ZNF569: variants seen among roughly 807,000 people sequenced by gnomAD.
ZNF569 encodes the protein zinc finger protein 569.
A neutral mutation model predicts 56.3 loss-of-function variants in ZNF569; 38 were observed. The observed-to-expected ratio is 0.68, with a 90% CI of 0.52 to 0.88. The LOEUF (loss-of-function observed/expected upper bound fraction) is 0.88. ZNF569 is among the 40% of genes least tolerant of loss of function. The pLI is 0.00. For missense variants in ZNF569, 666 were observed against 809.2 expected, an observed-to-expected ratio of 0.82 and a Z score of 2.15; for synonymous variants, 241 against 262.9, an observed-to-expected ratio of 0.92 and a Z score of 0.81.
At position 37,450,721 on chromosome 19, in the gene ZNF569, T is replaced by C. The variant is rs138948892; in HGVS notation, c.-43-5757A>G. ...GTTCCTTGAGATGTAAAGTTAGTTG[T>C]TTATTTGAGATCTTTCTTCTTTTAT... On this transcript the variant is annotated intron_variant, in intron 2 of 5. Transcript: ENST00000316950. 4.8e-3 allele frequency among the ~76,000 whole-genome samples: 736 copies of C among 152,292 alleles called. 23 individuals are homozygous for C. The highest frequency in any genetic ancestry group is 0.034 in the Admixed American group (524 of 15,310).
chr19:37,433,854 A>G (rs1221753128), intron 3 of ZNF569, among the ~76,000 whole-genome samples: 5 of 152,244 alleles, frequency 3.3e-5, no homozygotes, highest in Admixed American at 6.5e-5. Flanking sequence ...AAAAAATGCT[A>G]AAGAGAGTCC....
intron 2 of ZNF569, among the ~76,000 whole-genome samples, chr19:37,460,098 CAGCTAGGAAGATGGTAGTG>C (rs1432358954): frequency 6.6e-6 from 1 of 152,006 alleles, no homozygotes; most frequent in African/African-American, 2.4e-5. Context: ...AAATGGAAAA[CAGCTAGGAAGATGGTAGTG>C]AGCTAGGAAG....
intron 3 of ZNF569, among the ~76,000 whole-genome samples, chr19:37,432,469 CT>C (rs576374857): frequency 5.9e-5 from 9 of 152,348 alleles, no homozygotes; most frequent in Admixed American, 2.0e-4. Context: ...GGCATGCCCC[CT>C]GATGCAGATA....
At position 37,458,062 on chromosome 19, in the gene ZNF569, G is replaced by T. The variant is rs12610525; in HGVS notation, c.-44+7251C>A. ...ATTTTGATATTTTTGGTAAAGATGG[G>T]GTTTTGCCATGTTGCCCAGGCTGGT... On this transcript the variant is annotated intron_variant, in intron 2 of 5. Coordinates refer to ENST00000316950, the MANE Select transcript of ZNF569 (RefSeq NM_152484.3). 2.5e-3 allele frequency among the ~76,000 whole-genome samples: 385 copies of T among 152,056 alleles called. 11 individuals are homozygous for T. In the East Asian group the frequency reaches 0.07, roughly 28 times the overall value.
intron 2 of ZNF569, among the ~76,000 whole-genome samples, chr19:37,454,658 G>A (rs1453362165): frequency 6.6e-6 from 1 of 152,042 alleles, no homozygotes; most frequent in Non-Finnish European, 1.5e-5. Context: ...GGCTTCTCAG[G>A]ATTCACTCCC....
chr19:37,434,261 C>T lies in ZNF569; in HGVS notation c.16-7883G>A, dbSNP rs966136274. ...GTTGCAGTGAGCCGAGATTGTGCCA[C>T]TGCACTCCAGCCTGGTGACAAGAGC... On this transcript the variant is annotated intron_variant, in intron 3 of 5. Coordinates refer to ENST00000316950, the MANE Select transcript of ZNF569 (RefSeq NM_152484.3). Among the ~76,000 whole-genome samples, 4 of 143,026 alleles carry T rather than the reference C, an allele frequency of 2.8e-5. No individual in the cohort carries two copies. In the East Asian group the frequency reaches 8.2e-4, roughly 29 times the overall value. 93.8% of individuals were successfully genotyped at this position (143,026 alleles called of 152,430 possible). A position where few individuals can be genotyped will look rare whatever the true frequency, so the allele number is the denominator to read the frequency against.
chr19:37,430,791 C>T (rs371022138), intron 3 of ZNF569, among the ~76,000 whole-genome samples: 2 of 152,204 alleles, frequency 1.3e-5, no homozygotes, highest in African/African-American at 4.8e-5. Context: ...GAAAGACAGT[C>T]GTGAATTGCT....
rs138286381 is a variant in ZNF569, at chr19:37,445,768, C to G, written c.-43-804G>C. Among the ~76,000 whole-genome samples the G allele has an allele frequency of 1.7e-4, 26 of 152,198 alleles. No individual in the cohort carries two copies. The East Asian group carries it at 5.0e-3, about 29-fold the overall frequency. ...AGGTAAAAGATCTCTATAAGGAAAA[C>G]TACAAAACATTGCTGAAAGAAATCA... On this transcript the variant is annotated intron_variant, in intron 2 of 5. Coordinates refer to ENST00000316950, the MANE Select transcript of ZNF569 (RefSeq NM_152484.3).
At chr19:37,434,514 C>G (rs946378132) in intron 3 of ZNF569, among the ~76,000 whole-genome samples, 1 of 152,188 alleles carries the variant, frequency 6.6e-6, no homozygotes, top group Admixed American at 6.5e-5. Flanking sequence ...TGGTGAAACC[C>G]TGTCTCTACT....
Position 37,448,315 on chromosome 19 carries a change from A to G in ZNF569, c.-43-3351T>C, listed in dbSNP as rs116898544. On this transcript the variant is annotated intron_variant, in intron 2 of 5. Transcript: ENST00000316950. ...GAATTTTGGTAGTTTATGTCTTTCA[A>G]AAAATTTACTCATTCATCCAAGTTG... 7.8e-3 allele frequency among the ~76,000 whole-genome samples: 1,192 copies of G among 152,240 alleles called. 5 individuals carry two copies. Among genetic ancestry groups the G allele is most frequent in the Non-Finnish European group, 9.1e-3 (616 of 68,014 alleles).
chr19:37,411,501 T>C lies in ZNF569; in HGVS notation c.*1096A>G, dbSNP rs2040840465. ...AATTTTGGGCAATACAAACCATGAT[T>C]CAGGAACACAGTGATATATATCTCT... On this transcript the variant is annotated 3_prime_UTR_variant, in exon 6 of 6. Transcript: ENST00000316950. 1 of 152,114 alleles carries C rather than the reference T, an allele frequency of 6.6e-6. No homozygotes were observed. The highest frequency in any genetic ancestry group is 1.5e-5 in the Non-Finnish European group (1 of 67,974). The allele number at this position is 152,114 out of a possible 1,614,324, so 9.4% of individuals were successfully genotyped here. A position where few individuals can be genotyped will look rare whatever the true frequency, so the allele number is the denominator to read the frequency against.
chr19:37,468,060 A>T (rs1600368130), upstream of ZNF569: 6 of 760,034 alleles, frequency 7.9e-6, no homozygotes, highest in Non-Finnish European at 1.3e-5. Context: ...TAACTTCTCT[A>T]TGCCTTTCGT....
chr19:37,413,879 T>G lies in ZNF569; in HGVS notation c.779A>C (p.His260Pro). The G allele has an allele frequency of 6.2e-7, 1 of 1,613,508 alleles. No homozygotes were observed. Among genetic ancestry groups the G allele is most frequent in the Non-Finnish European group, 8.5e-7 (1 of 1,179,936 alleles). Residue 260 changes from histidine to proline, a missense_variant, in exon 6 of 6, where the codon CAT becomes CCT. His to Pro is a moderately conservative substitution (Grantham distance 77). Coordinates refer to ENST00000316950, the MANE Select transcript of ZNF569 (RefSeq NM_152484.3). ...CTTCTCTCCAGTATGAATTCTTTGA[T>G]GTCTAATGAGATTTGACATTTTAAT... Reference protein sequence around the residue: ...AFIKMSNLIRHQRIHTGEKPY... With the variant: ...AFIKMSNLIRPQRIHTGEKPY...
intron 5 of ZNF569, 110 bp downstream of exon 5, chr19:37,425,758 C>G (rs1480109685): frequency 1.1e-6 from 1 of 948,064 alleles, no homozygotes; most frequent in Admixed American, 1.9e-5. Context: ...AACCACTGTG[C>G]CAACCTCTGA....
At chr19:37,440,337 A>C (rs2041383486) in intron 3 of ZNF569, among the ~76,000 whole-genome samples, 1 of 152,214 alleles carries the variant, frequency 6.6e-6, no homozygotes, top group Non-Finnish European at 1.5e-5. Flanking sequence ...TATATATGAA[A>C]TATTCAGAAT....
intron 2 of ZNF569, among the ~76,000 whole-genome samples, chr19:37,461,297 A>G (rs1022635886): frequency 2.0e-5 from 3 of 150,668 alleles, no homozygotes; most frequent in African/African-American, 7.4e-5. Context: ...TTTTTAAAAC[A>G]TATGAAAAAT....
rs1378823637 is a variant in ZNF569, at chr19:37,426,453, T to G, written c.16-75A>C. 9 of 1,436,066 alleles carry G rather than the reference T, an allele frequency of 6.3e-6. No individual in the cohort carries two copies. In the African/African-American group the frequency reaches 1.0e-4, roughly 16 times the overall value. The allele number at this position is 1,436,066 out of a possible 1,614,324, so 89.0% of individuals were successfully genotyped here. On this transcript the variant is annotated intron_variant, in intron 3 of 5. Transcript: ENST00000316950. ...TGTAAACAAAATATATTGAACCTTGTTCTGATATTAATCAGAGGTTATTAA... is the reference window on the plus strand; with the variant it reads ...TGTAAACAAAATATATTGAACCTTGGTCTGATATTAATCAGAGGTTATTAA...
At chr19:37,443,852 C>CAAAAAAA (rs1201588423) in intron 3 of ZNF569, among the ~76,000 whole-genome samples, 1 of 114,626 alleles carries the variant, frequency 8.7e-6, no homozygotes, top group African/African-American at 3.3e-5. Context: ...ACTAAAAATA[C>CAAAAAAA]AAAAAAAAAA....
rs1231763979 is a variant in ZNF569, at chr19:37,413,755, A to G, written c.903T>C (p.Asn301=). The change falls in exon 6 of 6, where the codon AAT becomes AAC. Residue 301 remains asparagine, a synonymous_variant. Coordinates refer to ENST00000316950, the MANE Select transcript of ZNF569 (RefSeq NM_152484.3). ...IHTGEKPYEC[N]ECGKAFSQKQ... is the part of the protein sequence containing the mutation. ...TCTGGCTGAATGCTTTTCCACACTCATTACATTCATAAGGTTTCTCTCCAG... is the reference window on the plus strand; with the variant it reads ...TCTGGCTGAATGCTTTTCCACACTCGTTACATTCATAAGGTTTCTCTCCAG... 6.2e-7 allele frequency: 1 copy of G among 1,613,614 alleles called. No individual in the cohort carries two copies. Among genetic ancestry groups the G allele is most frequent in the East Asian group, 2.2e-5 (1 of 44,866 alleles).
Sources: gnomAD v4.1 joint callset for allele counts (sites outside exome capture counted in the v4.1 genomes callset) on GRCh38, gnomAD v4.1.1 for gene constraint, MANE v1.5 for transcripts, NCBI Gene and HGNC (gene_info 2026-07-23, HGNC 2026-07-21) for gene names.